The following OTOG variants were observed in gnomAD, a reference collection of about 807,000 sequenced individuals.
The protein encoded by OTOG is otogelin.
Under a neutral mutation model 313.8 loss-of-function variants are expected in OTOG, and 296 were observed. That is an observed-to-expected ratio of 0.94 (90% confidence interval 0.86 to 1.04). The LOEUF (loss-of-function observed/expected upper bound fraction) is 1.04. Ranked by LOEUF, OTOG falls within the 50% of genes least tolerant of loss-of-function variation. The probability of loss-of-function intolerance (pLI) is 0.00; values close to 1 mark genes in which losing one functional copy is unlikely to be tolerated. For synonymous variants in OTOG, 1,533 were observed against 1,554.9 expected, an observed-to-expected ratio of 0.99 and a Z score of 0.33; for missense variants, 3,948 against 3,840.1, an observed-to-expected ratio of 1.03 and a Z score of -0.74.
intron 33 of OTOG, among the ~76,000 whole-genome samples, chr11:17,606,956 T>A (rs1853404841): frequency 6.6e-6 from 1 of 152,226 alleles, no homozygotes; most frequent in Non-Finnish European, 1.5e-5. Flanking sequence ...ATGGGAGTAT[T>A]TGTGTCCCTC....
chr11:17,566,047 G>A (rs929082760), intron 15 of OTOG, among the ~76,000 whole-genome samples: 5 of 152,154 alleles, frequency 3.3e-5, no homozygotes, highest in African/African-American at 1.2e-4. Context: ...CTTCCTTTAG[G>A]CCTTCTCAGC....
chr11:17,612,887 CCT>C, intron 38 of OTOG, 122 bp downstream of exon 38: 1 of 1,225,280 alleles, frequency 8.2e-7, no homozygotes, highest in Middle Eastern at 2.5e-4. Flanking sequence ...CCCTGAGCTC[CCT>C]CTGTCTCCAG....
chr11:17,571,810 TC>T (rs1478687335), intron 17 of OTOG, among the ~76,000 whole-genome samples: 2 of 152,086 alleles, frequency 1.3e-5, no homozygotes, highest in African/African-American at 4.8e-5. Context: ...CATCCATGAT[TC>T]TATGTGTTTG....
intron 3 of OTOG, among the ~76,000 whole-genome samples, chr11:17,549,332 C>A (rs1851883590): frequency 6.6e-6 from 1 of 152,196 alleles, no homozygotes; most frequent in Non-Finnish European, 1.5e-5. Flanking sequence ...TCGTTTATGA[C>A]AGCAATGAGT....
At chr11:17,618,103 G>A (rs145098778) in intron 39 of OTOG, among the ~76,000 whole-genome samples, 2,462 of 152,094 alleles carry the variant, frequency 0.016, 69 homozygotes, top group African/African-American at 0.055. Flanking sequence ...GGGTTTCACC[G>A]TGTTAGCCAG....
chr11:17,605,955 G>A lies in OTOG; in HGVS notation c.3976G>A (p.Asp1326Asn), dbSNP rs1262479545. The A allele has an allele frequency of 5.2e-6, 8 of 1,550,498 alleles. No homozygotes were observed. Among genetic ancestry groups the A allele is most frequent in the Non-Finnish European group, 7.0e-6 (8 of 1,146,996 alleles). ...SLELAKWQGR[D>N]TFQQHASFLL... ...GGAGCTGGCTAAGTGGCAGGGCCGTGACACCTTCCAACAGCATGCCTCCTT... is the reference window on the plus strand; with the variant it reads ...GGAGCTGGCTAAGTGGCAGGGCCGTAACACCTTCCAACAGCATGCCTCCTT... The change falls in exon 33 of 56, where the codon GAC becomes AAC. Residue 1326 changes from aspartate to asparagine, a missense_variant. Physicochemically the swap from Asp to Asn is conservative, Grantham distance 23 (BLOSUM62 1). Coordinates refer to ENST00000399397, the MANE Select transcript of OTOG (RefSeq NM_001292063.2).
At position 17,560,788 on chromosome 11, in the gene OTOG, C is replaced by A. The variant is rs900287094; in HGVS notation, c.1422C>A (p.Gly474=). 4 of 1,550,756 alleles carry A rather than the reference C, an allele frequency of 2.6e-6. No homozygotes were observed. The Admixed American group carries it at 7.8e-5, about 30-fold the overall frequency. The change falls in exon 13 of 56, where the codon GGC becomes GGA. Residue 474 remains glycine, a synonymous_variant. Transcript: ENST00000399397. ...CEFHGTLYPP[G]SVVKEDCNTC... is the part of the protein sequence containing the mutation. ...TTCACGGGACTCTGTACCCACCTGG[C>A]TCTGTGGTGAAGGAAGACTGCAATA...
At chr11:17,557,858 A>G (rs1213736143) in intron 8 of OTOG, among the ~76,000 whole-genome samples, 1 of 152,130 alleles carries the variant, frequency 6.6e-6, no homozygotes, top group Non-Finnish European at 1.5e-5. Context: ...TATGGCAAAT[A>G]TGGGGAAACT....
intron 18 of OTOG, 134 bp from the exon 19 acceptor site, chr11:17,572,944 A>G: frequency 1.2e-6 from 1 of 826,836 alleles, no homozygotes; most frequent in Non-Finnish European, 1.8e-6. Flanking sequence ...CTGTACACTG[A>G]AGTAGCTGCC....
Position 17,558,527 on chromosome 11 carries a change from C to T in OTOG, c.997-11C>T. The T allele has an allele frequency of 6.4e-7, 1 of 1,550,398 alleles. No individual in the cohort carries two copies. Among genetic ancestry groups the T allele is most frequent in the Non-Finnish European group, 8.7e-7 (1 of 1,146,958 alleles). ...CAGCCCCTAGCCCTGGCTCCTGGTC[C>T]CTTGCTCTAGGGCGTGTACGAGCAG... On this transcript the variant is annotated splice_polypyrimidine_tract_variant and intron_variant, in intron 9 of 55. Transcript: ENST00000399397.
chr11:17,640,380 G>A (rs540215440), intron 49 of OTOG, among the ~76,000 whole-genome samples: 3 of 152,304 alleles, frequency 2.0e-5, no homozygotes, highest in South Asian at 2.1e-4. Flanking sequence ...ATGTGAAGTC[G>A]TGTTTACAGT....
At chr11:17,566,424 C>T (rs1852294694) in intron 15 of OTOG, among the ~76,000 whole-genome samples, 1 of 152,172 alleles carries the variant, frequency 6.6e-6, no homozygotes, top group Admixed American at 6.5e-5. Flanking sequence ...TGCAGAACCC[C>T]TGGATATGGA....
Position 17,631,900 on chromosome 11 carries a change from C to T in OTOG, c.6911C>T (p.Thr2304Ile), listed in dbSNP as rs1238051660. 2.6e-6 allele frequency: 4 copies of T among 1,550,130 alleles called. No homozygotes were observed. The highest frequency in any genetic ancestry group is 3.5e-6 in the Non-Finnish European group (4 of 1,147,016). Reference protein sequence around the residue: ...SPCLRMVSNRTFSACHRFVPP... With the variant: ...SPCLRMVSNRIFSACHRFVPP... ...TGCCTTCGCATGGTGTCCAACCGCACCTTCAGTGCCTGCCACCGCTTTGTA... is the reference window on the plus strand; with the variant it reads ...TGCCTTCGCATGGTGTCCAACCGCATCTTCAGTGCCTGCCACCGCTTTGTA... The change falls in exon 41 of 56, where the codon ACC becomes ATC. Residue 2304 changes from threonine (T) to isoleucine (I), a missense_variant. Physicochemically the swap from Thr to Ile is moderately conservative, Grantham distance 89. Transcript: ENST00000399397.
chr11:17,645,564 G>T lies in OTOG; in HGVS notation c.8462G>T (p.Cys2821Phe). The change falls in exon 55 of 56, where the codon TGT becomes TTT. Residue 2821 changes from cysteine (C) to phenylalanine (F), a missense_variant and splice_region_variant. Cys to Phe is a radical substitution (Grantham distance 205). Transcript: ENST00000399397. ...CTGCCTCATCCCCCTGTCCCCCCAG[G>T]TAAGGAGGATGGGCGCTCCTGCAAG... ...VPSLEGCCRT[C>F]KEDGRSCKKV... The T allele has an allele frequency of 6.4e-7, 1 of 1,550,518 alleles. No homozygotes were observed. Among genetic ancestry groups the T allele is most frequent in the Non-Finnish European group, 8.7e-7 (1 of 1,146,980 alleles).
chr11:17,581,364 G>T (rs1852661605), intron 23 of OTOG, among the ~76,000 whole-genome samples: 1 of 152,202 alleles, frequency 6.6e-6, no homozygotes, highest in African/African-American at 2.4e-5. Context: ...GTAGGCACCA[G>T]GAGGGGTGAG....
At chr11:17,591,415 T>A (rs1852929282) in intron 24 of OTOG, 35 bp from the exon 25 acceptor site, 1 of 1,549,366 alleles carries the variant, frequency 6.5e-7, no homozygotes, top group African/African-American at 1.4e-5. Context: ...GGGGTGGGTG[T>A]GCCCTGTGAT....
In OTOG at chr11:17,641,827, C is replaced by G. The variant is rs1199249967; in HGVS notation, c.8191-20C>G. The G allele has an allele frequency of 6.5e-7, 1 of 1,532,574 alleles. No individual in the cohort carries two copies. Among genetic ancestry groups the G allele is most frequent in the Non-Finnish European group, 8.8e-7 (1 of 1,136,112 alleles). The allele number at this position is 1,532,574 out of a possible 1,614,324, so 94.9% of individuals were successfully genotyped here. A position where few individuals can be genotyped will look rare whatever the true frequency, so the allele number is the denominator to read the frequency against. On this transcript the variant is annotated intron_variant, in intron 51 of 55. Transcript: ENST00000399397. Reference sequence around the variant, plus strand: ...TGGAGGTGGGCATCTGGCTGAGGCCCACCCCGCCCTGGCCTGTAGAACCAG... The same window carrying G: ...TGGAGGTGGGCATCTGGCTGAGGCCGACCCCGCCCTGGCCTGTAGAACCAG...
chr11:17,585,697 G>A (rs1451055897), intron 23 of OTOG, among the ~76,000 whole-genome samples: 2 of 152,058 alleles, frequency 1.3e-5, no homozygotes, highest in Non-Finnish European at 2.9e-5. Context: ...CCATGCTTGG[G>A]TTCCATCATC....
chr11:17,640,892 C>T (rs1351074154), intron 50 of OTOG, 21 bp from the exon 51 acceptor site: 15 of 1,548,722 alleles, frequency 9.7e-6, no homozygotes, highest in Non-Finnish European at 1.3e-5. Context: ...ATGACTGTTG[C>T]CGCCCTGCAT....
Sources: allele counts gnomAD v4.1 joint callset (sites outside exome capture counted in the v4.1 genomes callset), GRCh38; gene constraint gnomAD v4.1.1; transcripts MANE v1.5; gene names NCBI Gene and HGNC (gene_info 2026-07-23, HGNC 2026-07-21).